The following KIAA0586 variants were observed in gnomAD, a reference collection of about 807,000 sequenced individuals.
KIAA0586 encodes the protein protein TALPID3.
Under a neutral mutation model 169.8 loss-of-function variants are expected in KIAA0586, and 144 were observed. The ratio of observed to expected loss-of-function variants is 0.85; its 90% CI spans 0.74 to 0.97. The LOEUF (loss-of-function observed/expected upper bound fraction) is 0.97, where lower values mean the gene tolerates loss of function less well. KIAA0586 is among the 50% of genes least tolerant of loss of function. KIAA0586 has a pLI of 0.00. For missense variants in KIAA0586, 1,854 were observed against 1,823.0 expected, an observed-to-expected ratio of 1.02 and a Z score of -0.31; for synonymous variants, 625 against 612.4, an observed-to-expected ratio of 1.02 and a Z score of -0.30.
chr14:58,438,237 T>C (rs2038003763), intron 4 of KIAA0586, among the ~76,000 whole-genome samples: 2 of 152,316 alleles, frequency 1.3e-5, no homozygotes, highest in Non-Finnish European at 1.5e-5. Flanking sequence ...CGTAGCTCTT[T>C]ACATTTGCCA....
At chr14:58,501,292 CATA>C (rs1032136622) in intron 27 of KIAA0586, among the ~76,000 whole-genome samples, 3 of 152,180 alleles carry the variant, frequency 2.0e-5, no homozygotes, top group African/African-American at 7.2e-5. Flanking sequence ...ATTTTGTACA[CATA>C]ATGAGAGTAT....
chr14:58,512,364 A>G (rs1220762915), intron 28 of KIAA0586, among the ~76,000 whole-genome samples, 158 bp from the exon 29 acceptor site: 1 of 152,026 alleles, frequency 6.6e-6, no homozygotes, highest in Admixed American at 6.6e-5. Context: ...CTCATCACCT[A>G]TTTATTGGTA....
At chr14:58,454,114 T>G (rs544792667) in intron 9 of KIAA0586, among the ~76,000 whole-genome samples, 219 of 152,336 alleles carry the variant, frequency 1.4e-3, no homozygotes, top group Non-Finnish European at 2.7e-3. Context: ...GTTCCTCCCT[T>G]AGTGCCTTCT....
intron 7 of KIAA0586, 24 bp downstream of exon 7, chr14:58,448,517 A>G (rs762039020): frequency 1.3e-5 from 20 of 1,532,888 alleles, no homozygotes; most frequent in Non-Finnish European, 1.8e-5. Context: ...GTTCTCTATG[A>G]ATAAAAAATG....
chr14:58,429,895 C>T (rs1266651659), intron 2 of KIAA0586, among the ~76,000 whole-genome samples: 4 of 151,956 alleles, frequency 2.6e-5, no homozygotes, highest in African/African-American at 9.7e-5. Flanking sequence ...TTTATAATGC[C>T]GAAAGTATTT....
At chr14:58,450,983 C>CTTTT (rs10712126) in intron 8 of KIAA0586, among the ~76,000 whole-genome samples, 4 of 85,390 alleles carry the variant, frequency 4.7e-5, no homozygotes, top group East Asian at 3.3e-4. Context: ...GTTTTGTTAA[C>CTTTT]TTTTTTTTTT....
chr14:58,450,450 C>T, intron 7 of KIAA0586, 129 bp from the exon 8 acceptor site: 1 of 599,886 alleles, frequency 1.7e-6, no homozygotes, highest in African/African-American at 1.9e-5. Flanking sequence ...AGTTATTTCT[C>T]TACACTTAAT....
chr14:58,469,189 G>A (rs1197312778), intron 16 of KIAA0586, among the ~76,000 whole-genome samples: 2 of 152,192 alleles, frequency 1.3e-5, no homozygotes, highest in Non-Finnish European at 2.9e-5. Flanking sequence ...CTCATAGATT[G>A]ACTTCCACCC....
rs201041130 is a variant in KIAA0586, at chr14:58,448,636, A to T, written c.961+143A>T. 0.25 allele frequency: 115,698 copies of T among 462,736 alleles called. 16,222 individuals carry two copies. Among genetic ancestry groups the T allele is most frequent in the Non-Finnish European group, 0.29 (77,371 of 269,836 alleles). 28.7% of individuals were successfully genotyped at this position (462,736 alleles called of 1,614,324 possible). Reference sequence around the variant, plus strand: ...ATAGGAGTTTTTGTTTTATAAAACAATTTTTTTAAATGTTCTTTTTTTAAA... The same window carrying T: ...ATAGGAGTTTTTGTTTTATAAAACATTTTTTTTAAATGTTCTTTTTTTAAA... On this transcript the variant is annotated intron_variant, in intron 7 of 30. Coordinates refer to ENST00000652326, the MANE Select transcript of KIAA0586 (RefSeq NM_001329943.3).
At position 58,447,922 on chromosome 14, in the gene KIAA0586, A is replaced by G. The variant is rs987899039; in HGVS notation, c.808-418A>G. Among the ~76,000 whole-genome samples, 25 of 152,322 alleles carry G rather than the reference A, an allele frequency of 1.6e-4. No individual in the cohort carries two copies. The East Asian group carries it at 4.6e-3, about 28-fold the overall frequency. ...CACTATCAATGATTTTCAAACCTTG[A>G]CCTCAAACAAAATCCTACCATTTAG... is the stretch of plus-strand genomic sequence containing the variant. On this transcript the variant is annotated intron_variant, in intron 6 of 30. Coordinates refer to ENST00000652326, the MANE Select transcript of KIAA0586 (RefSeq NM_001329943.3).
At position 58,482,692 on chromosome 14, in the gene KIAA0586, A is replaced by C. The variant is rs781471845; in HGVS notation, c.3124A>C (p.Thr1042Pro). The part of the protein sequence containing the change: ...VATGVSGDAS[T>P]NETYLPARVC... ...TACAGGTGTTTCTGGGGATGCTTCAACAAATGAAACATATTTGCCGGTATG... is the reference window on the plus strand; with the variant it reads ...TACAGGTGTTTCTGGGGATGCTTCACCAAATGAAACATATTTGCCGGTATG... Residue 1042 changes from threonine to proline, a missense_variant, in exon 21 of 31, where the codon ACA (threonine) becomes CCA (proline). By Grantham distance (38) the Thr-to-Pro change is conservative. Coordinates refer to ENST00000652326, the MANE Select transcript of KIAA0586 (RefSeq NM_001329943.3). 6.4e-7 allele frequency: 1 copy of C among 1,568,730 alleles called. No homozygotes were observed. The highest frequency in any genetic ancestry group is 8.6e-7 in the Non-Finnish European group (1 of 1,160,904).
At chr14:58,441,077 T>C (rs1315048589) in intron 4 of KIAA0586, 1 of 205,062 alleles carries the variant, frequency 4.9e-6, no homozygotes, top group African/African-American at 2.4e-5. Flanking sequence ...TGTATACATA[T>C]ATCAAAATAT....
chr14:58,498,771 T>C lies in KIAA0586; in HGVS notation c.3991-12T>C, dbSNP rs764688617. 1.3e-6 allele frequency: 2 copies of C among 1,579,146 alleles called. No individual in the cohort carries two copies. The highest frequency in any genetic ancestry group is 1.7e-6 in the Non-Finnish European group (2 of 1,166,512). On this transcript the variant is annotated splice_polypyrimidine_tract_variant and intron_variant, in intron 26 of 30. Coordinates refer to ENST00000652326, the MANE Select transcript of KIAA0586 (RefSeq NM_001329943.3). Reference sequence around the variant, plus strand: ...ATATAATGGTTTTAACAATTGTTTCTGCTTTTTAAAGGACTTGGAAAACAG... The same window carrying C: ...ATATAATGGTTTTAACAATTGTTTCCGCTTTTTAAAGGACTTGGAAAACAG...
chr14:58,537,657 T>A (rs1470680000), intron 29 of KIAA0586, among the ~76,000 whole-genome samples: 1 of 148,488 alleles, frequency 6.7e-6, no homozygotes, highest in East Asian at 1.9e-4. Context: ...GCACTTTTCT[T>A]TTTTTTTTGA....
At chr14:58,445,556 C>T (rs1012847282) in intron 6 of KIAA0586, among the ~76,000 whole-genome samples, 1 of 151,464 alleles carries the variant, frequency 6.6e-6, no homozygotes, top group African/African-American at 2.4e-5. Context: ...GCTTCAGCTA[C>T]CCGAGTAGCT....
At chr14:58,544,693 G>A (rs1194340589) in intron 30 of KIAA0586, among the ~76,000 whole-genome samples, 1 of 152,000 alleles carries the variant, frequency 6.6e-6, no homozygotes, top group Non-Finnish European at 1.5e-5. Context: ...ATGTCCTTTG[G>A]GGTTGTTTTT....
At chr14:58,432,262 G>A (rs751619384) in intron 3 of KIAA0586, 126 bp from the exon 4 acceptor site, 33 of 596,408 alleles carry the variant, frequency 5.5e-5, no homozygotes, top group South Asian at 3.1e-4. Flanking sequence ...TGTCCTTTTC[G>A]ATCGTGGAAT....
chr14:58,472,457 A>G (rs945532178), intron 18 of KIAA0586, among the ~76,000 whole-genome samples, 178 bp downstream of exon 18: 1 of 152,046 alleles, frequency 6.6e-6, no homozygotes, highest in African/African-American at 2.4e-5. Context: ...TTTAATCTAT[A>G]TCACCTATCT....
chr14:58,484,628 A>G (rs1047224178), intron 21 of KIAA0586, among the ~76,000 whole-genome samples: 4 of 151,456 alleles, frequency 2.6e-5, no homozygotes, highest in Non-Finnish European at 2.9e-5. Flanking sequence ...TATAAAATAT[A>G]GTGTTATATT....
Sources: allele counts gnomAD v4.1 joint callset (sites outside exome capture counted in the v4.1 genomes callset), GRCh38; gene constraint gnomAD v4.1.1; transcripts MANE v1.5; gene names NCBI Gene and HGNC (gene_info 2026-07-23, HGNC 2026-07-21).